Variants in NFATC4 observed in about 807,000 individuals in gnomAD.
The protein encoded by NFATC4 is nuclear factor of activated T-cells, cytoplasmic 4.
A neutral mutation model predicts 73.4 loss-of-function variants in NFATC4; 25 were observed. The observed-to-expected ratio is 0.34, with a 90% CI of 0.25 to 0.48. NFATC4 has a LOEUF of 0.48. NFATC4 is among the 20% of genes least tolerant of loss of function. The pLI is 0.99. For missense variants in NFATC4, 1,130 were observed against 1,203.7 expected, an observed-to-expected ratio of 0.94 and a Z score of 0.91; for synonymous variants, 523 against 510.3, an observed-to-expected ratio of 1.02 and a Z score of -0.34.
Position 24,370,204 on chromosome 14 carries a change from G to A in NFATC4, c.806G>A (p.Arg269Gln). The change falls in exon 2 of 10, where the codon CGG becomes CAG. Residue 269 changes from arginine to glutamine, a missense_variant. Arg to Gln is a conservative substitution (Grantham distance 43). Transcript: ENST00000250373. ...CGGCCTGCCTCTCCATGTGGCAAGCGGCGCTATTCCAGCTCGGGAACCCCA... is the reference window on the plus strand; with the variant it reads ...CGGCCTGCCTCTCCATGTGGCAAGCAGCGCTATTCCAGCTCGGGAACCCCA... ...SPRPASPCGK[R>Q]RYSSSGTPSS... 1 of 1,609,014 alleles carries A rather than the reference G, an allele frequency of 6.2e-7. No homozygotes were observed. The highest frequency in any genetic ancestry group is 8.5e-7 in the Non-Finnish European group (1 of 1,179,912).
chr14:24,370,917 G>A (rs746775368), intron 2 of NFATC4, among the ~76,000 whole-genome samples: 1 of 152,054 alleles, frequency 6.6e-6, no homozygotes, highest in African/African-American at 2.4e-5. Context: ...CCAAGCCCCC[G>A]CTCTGCACTG....
rs1035386398 is a variant in NFATC4, at chr14:24,377,338, T to A, written c.2642-300T>A. The A allele has an allele frequency of 7.8e-7, 1 of 1,286,226 alleles. No individual in the cohort carries two copies. Among genetic ancestry groups the A allele is most frequent in the African/African-American group, 1.5e-5 (1 of 67,316 alleles). 79.7% of individuals were successfully genotyped at this position (1,286,226 alleles called of 1,614,324 possible). A position where few individuals can be genotyped will look rare whatever the true frequency, so the allele number is the denominator to read the frequency against. Reference sequence around the variant, plus strand: ...CCTGTTTTGCCTCTCCTTCTTCCCATTGGCTACACCCATCTCTGGCCCTGC... The same window carrying A: ...CCTGTTTTGCCTCTCCTTCTTCCCAATGGCTACACCCATCTCTGGCCCTGC... On this transcript the variant is annotated intron_variant, in intron 9 of 9. Transcript: ENST00000250373. This position sits in a 1 kb window ranked among gnomAD's most constrained non-coding sequence, Gnocchi z 4.2.
At chr14:24,372,236 T>A in intron 2 of NFATC4, 1 of 586,626 alleles carries the variant, frequency 1.7e-6, no homozygotes, top group Non-Finnish European at 2.9e-6. Flanking sequence ...GCTTCTGGAC[T>A]TTTGGATTTC....
rs369920909 is a variant in NFATC4 at position 24,369,758 on chromosome 14, C to T, written c.360C>T (p.Ser120=). The T allele has an allele frequency of 2.2e-4, 348 of 1,602,982 alleles. 3 individuals carry two copies. In the Middle Eastern group the frequency reaches 4.3e-3, roughly 20 times the overall value. Residue 120 remains serine (S), a synonymous_variant, in exon 2 of 10, where the codon TCC becomes TCT. Coordinates refer to ENST00000250373, the MANE Select transcript of NFATC4 (RefSeq NM_004554.5). ...AGTGTCCCAGCATCCGCATCACCTCCATCTCTCCCACGCCGGAGCCGCCAG... is the reference window on the plus strand; with the variant it reads ...AGTGTCCCAGCATCCGCATCACCTCTATCTCTCCCACGCCGGAGCCGCCAG... ...VLECPSIRIT[S]ISPTPEPPAA...
upstream of NFATC4, chr14:24,367,237 G>T: frequency 6.2e-7 from 1 of 1,612,858 alleles, no homozygotes. Context: ...CAGCCTGTTG[G>T]GGGCGGGGGG....
In NFATC4 at chr14:24,373,923, T is replaced by G. The variant is rs1279615990; in HGVS notation, c.1732+56T>G. On this transcript the variant is annotated intron_variant, in intron 5 of 9. Coordinates refer to ENST00000250373, the MANE Select transcript of NFATC4 (RefSeq NM_004554.5). The surrounding 1 kb of genome is among the most constrained non-coding windows in gnomAD (Gnocchi z 4.7). ...GTCTCTTGCAACTCTTTTGTCTGTG[T>G]GTGTGTGTCTGTCTGCCCATTCCCT... The G allele has an allele frequency of 1.2e-6, 2 of 1,603,678 alleles. No individual in the cohort carries two copies. The highest frequency in any genetic ancestry group is 2.3e-5 in the East Asian group (1 of 44,378).
rs1230186912 is a variant in NFATC4 at position 24,373,749 on chromosome 14, G to A, written c.1614G>A (p.Lys538=). ...GGAATTCAGACATTGAGCTTCGGAA[G>A]GGTGAGACGGACATCGGGCGCAAAA... ...KLRNSDIELR[K]GETDIGRKNT... Residue 538 remains lysine, a synonymous_variant, in exon 5 of 10, where the codon AAG becomes AAA. Transcript: ENST00000250373. The surrounding 1 kb of genome is among the most constrained non-coding windows in gnomAD (Gnocchi z 4.7). 6.2e-7 allele frequency: 1 copy of A among 1,613,972 alleles called. No individual in the cohort carries two copies. Among genetic ancestry groups the A allele is most frequent in the Middle Eastern group, 1.6e-4 (1 of 6,062 alleles).
At position 24,369,340 on chromosome 14, in the gene NFATC4, C is replaced by T. The variant is rs190909385; in HGVS notation, c.101-159C>T. On this transcript the variant is annotated intron_variant, in intron 1 of 9. Transcript: ENST00000250373. ...GCCTGCTTCAATCTCCTCCATCTTC[C>T]CAGGTCCAACTCTGCTTTTGTCTTG... 125 of 1,597,808 alleles carry T rather than the reference C, an allele frequency of 7.8e-5. 3 individuals carry two copies. The Admixed American group carries it at 2.1e-3, about 27-fold the overall frequency.
Position 24,369,557 on chromosome 14 carries a change from C to T in NFATC4, c.159C>T (p.Pro53=). 1 of 1,611,216 alleles carries T rather than the reference C, an allele frequency of 6.2e-7. No homozygotes were observed. The highest frequency in any genetic ancestry group is 8.5e-7 in the Non-Finnish European group (1 of 1,178,160). ...CCRLALGEPP[P]YGAAPIGIPR... Reference sequence around the variant, plus strand: ...GTCTGGCCTTGGGAGAGCCCCCTCCCTATGGCGCTGCACCTATCGGTATTC... The same window carrying T: ...GTCTGGCCTTGGGAGAGCCCCCTCCTTATGGCGCTGCACCTATCGGTATTC... Residue 53 remains proline, a synonymous_variant, in exon 2 of 10, where the codon CCC becomes CCT. Transcript: ENST00000250373.
At chr14:24,372,317 CTTCT>C in intron 2 of NFATC4, 120 bp from the exon 3 acceptor site, 1 of 1,028,438 alleles carries the variant, frequency 9.7e-7, no homozygotes, top group East Asian at 2.5e-5. Context: ...TGTTAATGTA[CTTCT>C]TTATTTCTTC....
rs944715744 is a variant in NFATC4, at chr14:24,372,612, C to T, written c.1359+9C>T. Reference sequence around the variant, plus strand: ...GTCACCCCGTAGTCAAGGTAAAGGACAGACAGCAGGCCTGATATCCTCTCT... The same window carrying T: ...GTCACCCCGTAGTCAAGGTAAAGGATAGACAGCAGGCCTGATATCCTCTCT... On this transcript the variant is annotated intron_variant, in intron 3 of 9. Coordinates refer to ENST00000250373, the MANE Select transcript of NFATC4 (RefSeq NM_004554.5). The T allele has an allele frequency of 2.5e-6, 4 of 1,613,746 alleles. No homozygotes were observed. The highest frequency in any genetic ancestry group is 3.4e-6 in the Non-Finnish European group (4 of 1,180,042).
chr14:24,369,877 G>A lies in NFATC4; in HGVS notation c.479G>A (p.Gly160Asp), dbSNP rs2229309. ...EGFGGYREAG[G>D]QGGGAFFSPS... ...TTTGGGGGCTACAGAGAAGCAGGGG[G>A]CCAGGGTGGGGGGGCCTTCTTCAGC... The change falls in exon 2 of 10, where the codon GGC (glycine) becomes GAC (aspartate). Residue 160 changes from glycine to aspartate, a missense_variant. By Grantham distance (94) the Gly-to-Asp change is moderately conservative (BLOSUM62 -1). Transcript: ENST00000250373. The A allele has an allele frequency of 6.2e-7, 1 of 1,609,602 alleles. No homozygotes were observed. The highest frequency in any genetic ancestry group is 8.5e-7 in the Non-Finnish European group (1 of 1,178,284).
Position 24,376,644 on chromosome 14 carries a change from C to G in NFATC4, c.2407C>G (p.Leu803Val), listed in dbSNP as rs771493678. The G allele has an allele frequency of 6.2e-7, 1 of 1,613,470 alleles. No homozygotes were observed. Among genetic ancestry groups the G allele is most frequent in the African/African-American group, 1.3e-5 (1 of 75,000 alleles). Reference protein sequence around the residue: ...GGRGSSFSLGLPFSPPAPFRP... With the variant: ...GGRGSSFSLGVPFSPPAPFRP... The stretch of plus-strand genomic sequence containing the variant: ...GCGGGGCTCCTCTTTCTCCCTGGGG[C>G]TGCCATTCTCTCCGCCAGCCCCCTT... The change falls in exon 9 of 10, where the codon CTG (leucine) becomes GTG (valine). Residue 803 changes from leucine (L) to valine (V), a missense_variant. This residue lies in a region of NFATC4 where 390 missense variants were observed against 408.1 expected (regional missense o/e 0.96). Coordinates refer to ENST00000250373, the MANE Select transcript of NFATC4 (RefSeq NM_004554.5). This position sits in a 1 kb window ranked among gnomAD's most constrained non-coding sequence, Gnocchi z 5.0.
chr14:24,377,038 C>T lies in NFATC4; in HGVS notation c.2641+160C>T. The T allele has an allele frequency of 7.2e-7, 1 of 1,385,572 alleles. No homozygotes were observed. Among genetic ancestry groups the T allele is most frequent in the Non-Finnish European group, 9.3e-7 (1 of 1,075,800 alleles). The allele number at this position is 1,385,572 out of a possible 1,614,324, so 85.8% of individuals were successfully genotyped here. ...GGCATGTTCTTGATGCCTGTGGCTGCCTGAATCCAATTAACTGAATTCTGA... is the reference window on the plus strand; with the variant it reads ...GGCATGTTCTTGATGCCTGTGGCTGTCTGAATCCAATTAACTGAATTCTGA... On this transcript the variant is annotated intron_variant, in intron 9 of 9. Coordinates refer to ENST00000250373, the MANE Select transcript of NFATC4 (RefSeq NM_004554.5). This position sits in a 1 kb window ranked among gnomAD's most constrained non-coding sequence, Gnocchi z 4.2.
chr14:24,373,880 G>A lies in NFATC4; in HGVS notation c.1732+13G>A. The A allele has an allele frequency of 6.2e-7, 1 of 1,613,884 alleles. No individual in the cohort carries two copies. Among genetic ancestry groups the A allele is most frequent in the South Asian group, 1.1e-5 (1 of 91,086 alleles). ...CCCATCGAGTGCTGTGAGCAAAGAGGCCCTGGGCCATGTCTCTGTCTCTTG... is the reference window on the plus strand; with the variant it reads ...CCCATCGAGTGCTGTGAGCAAAGAGACCCTGGGCCATGTCTCTGTCTCTTG... On this transcript the variant is annotated intron_variant, in intron 5 of 9. Coordinates refer to ENST00000250373, the MANE Select transcript of NFATC4 (RefSeq NM_004554.5). The surrounding 1 kb of genome is among the most constrained non-coding windows in gnomAD (Gnocchi z 4.7).
rs563517016 is a variant in NFATC4 at position 24,373,128 on chromosome 14, C to T, written c.1360-43C>T. 5.1e-5 allele frequency: 80 copies of T among 1,576,532 alleles called. 1 individual carries two copies. The highest frequency in any genetic ancestry group is 2.0e-4 in the South Asian group (18 of 89,852). On this transcript the variant is annotated intron_variant, in intron 3 of 9. Transcript: ENST00000250373. The surrounding 1 kb of genome is among the most constrained non-coding windows in gnomAD (Gnocchi z 4.7). ...ATCTAGGGATGAATAAAGGATGAGA[C>T]GGTGGGGATTTCAATGAGGTGGCCG... is the stretch of plus-strand genomic sequence containing the variant.
At position 24,376,009 on chromosome 14, in the gene NFATC4, A is replaced by T; in HGVS notation, c.1964A>T (p.Asn655Ile). The T allele has an allele frequency of 6.2e-7, 1 of 1,614,034 alleles. No homozygotes were observed. The highest frequency in any genetic ancestry group is 1.1e-5 in the South Asian group (1 of 91,080). The change falls in exon 8 of 10, where the codon AAC (asparagine) becomes ATC (isoleucine). Residue 655 changes from asparagine to isoleucine, a missense_variant. By Grantham distance (149) the Asn-to-Ile change is moderately radical. Around this residue, in one of 3 missense-constraint regions of NFATC4, gnomAD observed 390 missense variants for 408.1 expected, o/e 0.96. Coordinates refer to ENST00000250373, the MANE Select transcript of NFATC4 (RefSeq NM_004554.5). This position sits in a 1 kb window ranked among gnomAD's most constrained non-coding sequence, Gnocchi z 5.0. ...TLTLTVPEYS[N>I]KRVSRPVQVY... ...ACCCTGACTGTCCCCGAGTACAGCA[A>T]CAAGAGGGTTTCCCGGCCAGTCCAG...
intron 6 of NFATC4, 22 bp downstream of exon 6, chr14:24,374,488 G>A: frequency 6.3e-7 from 1 of 1,596,452 alleles, no homozygotes; most frequent in Non-Finnish European, 8.6e-7. Context: ...CTGGGGAGGG[G>A]AGGGCAGGCA....
At position 24,377,711 on chromosome 14, in the gene NFATC4, G is replaced by A. The variant is rs762969405; in HGVS notation, c.*6G>A. The A allele has an allele frequency of 9.3e-6, 15 of 1,614,088 alleles. No individual in the cohort carries two copies. Among genetic ancestry groups the A allele is most frequent in the Admixed American group, 6.7e-5 (4 of 60,002 alleles). On this transcript the variant is annotated 3_prime_UTR_variant, in exon 10 of 10. Coordinates refer to ENST00000250373, the MANE Select transcript of NFATC4 (RefSeq NM_004554.5). The surrounding 1 kb of genome is among the most constrained non-coding windows in gnomAD (Gnocchi z 4.2). ...GAGAAGAGCCTCCTGCCTGAACCAC[G>A]TGAACTGTCATCACCTGGCAACCCC...
Sources: gnomAD v4.1 joint callset for allele counts (sites outside exome capture counted in the v4.1 genomes callset) on GRCh38, gnomAD v4.1.1 for gene constraint, gnomAD v4.1.1 regional missense constraint, Gnocchi (gnomAD v3.1) non-coding constraint, MANE v1.5 for transcripts, NCBI Gene and HGNC (gene_info 2026-07-23, HGNC 2026-07-21) for gene names.